The following CAMTA1 variants were observed in gnomAD, a reference collection of about 807,000 sequenced individuals.
The protein encoded by CAMTA1 is calmodulin binding transcription activator 1, also known as calmodulin-binding transcription activator 1.
Under a neutral mutation model 170.9 loss-of-function variants are expected in CAMTA1, and 27 were observed. The ratio of observed to expected loss-of-function variants is 0.16; its 90% CI spans 0.12 to 0.22. The LOEUF is 0.22. CAMTA1 is among the 10% of genes least tolerant of loss of function. The pLI is 1.00. For missense variants in CAMTA1, 1,619 were observed against 2,217.2 expected (o/e 0.73, Z 5.42); for synonymous variants, 833 against 891.5 (o/e 0.93, Z 1.17).
At chr1:7,392,992 G>T (rs538538137) in intron 5 of CAMTA1, among the ~76,000 whole-genome samples, 1 of 151,582 alleles carries the variant, frequency 6.6e-6, no homozygotes, top group African/African-American at 2.4e-5. Context: ...GTTCGAGGCT[G>T]CAGTGAGCTA....
chr1:7,461,321 G>A (rs1044704231), intron 5 of CAMTA1, among the ~76,000 whole-genome samples: 1 of 152,166 alleles, frequency 6.6e-6, no homozygotes, highest in Non-Finnish European at 1.5e-5. Flanking sequence ...CAAGCTCCCA[G>A]TGTCTTTGCC....
intron 3 of CAMTA1, among the ~76,000 whole-genome samples, chr1:7,019,535 C>A (rs545791654): frequency 2.6e-5 from 4 of 152,110 alleles, no homozygotes; most frequent in Non-Finnish European, 5.9e-5. Flanking sequence ...TTAGCAGAAC[C>A]CAGGATTGGG....
chr1:6,984,124 G>A (rs1207282078), intron 3 of CAMTA1, among the ~76,000 whole-genome samples: 1 of 108,530 alleles, frequency 9.2e-6, no homozygotes, highest in Non-Finnish European at 2.0e-5. Context: ...GTAGATGAGT[G>A]GATAGAAGGT....
Position 7,732,653 on chromosome 1 carries a change from G to A in CAMTA1, c.3066+54G>A. The A allele has an allele frequency of 6.6e-7, 1 of 1,507,770 alleles. No homozygotes were observed. The highest frequency in any genetic ancestry group is 8.9e-7 in the Non-Finnish European group (1 of 1,124,570). The allele number at this position is 1,507,770 out of a possible 1,614,324, so 93.4% of individuals were successfully genotyped here. On this transcript the variant is annotated intron_variant, in intron 12 of 22. Transcript: ENST00000303635. The surrounding 1 kb of genome is among the most constrained non-coding windows in gnomAD (Gnocchi z 4.1). ...CATTTCGCTTCATGTTTATGGATTGGCGAGGCAGTGGATGGATCACAGGCC... is the reference window on the plus strand; with the variant it reads ...CATTTCGCTTCATGTTTATGGATTGACGAGGCAGTGGATGGATCACAGGCC...
At chr1:7,111,941 A>C (rs1203855123) in intron 4 of CAMTA1, among the ~76,000 whole-genome samples, 1 of 151,370 alleles carries the variant, frequency 6.6e-6, no homozygotes, top group Non-Finnish European at 1.5e-5. Flanking sequence ...GGGCTGCTGT[A>C]AGATGAACTG....
chr1:6,909,323 T>A (rs896248155), intron 3 of CAMTA1, among the ~76,000 whole-genome samples: 2 of 152,260 alleles, frequency 1.3e-5, no homozygotes, highest in African/African-American at 4.8e-5. Context: ...TTCCGAATAC[T>A]TGTGAATTTC....
intron 6 of CAMTA1, among the ~76,000 whole-genome samples, chr1:7,558,672 C>A (rs574414412): frequency 3.4e-4 from 52 of 152,366 alleles, no homozygotes; most frequent in African/African-American, 1.2e-3. Flanking sequence ...ACGGAACTCA[C>A]CCGCTCTGCG....
chr1:7,430,628 A>G (rs530329222), intron 5 of CAMTA1, among the ~76,000 whole-genome samples: 77 of 152,268 alleles, frequency 5.1e-4, no homozygotes, highest in African/African-American at 1.9e-3. Flanking sequence ...TTGAGGCTCC[A>G]TGAGGATCCA....
At chr1:7,520,384 C>T (rs1050223428) in intron 6 of CAMTA1, among the ~76,000 whole-genome samples, 14 of 147,678 alleles carry the variant, frequency 9.5e-5, no homozygotes, top group Admixed American at 6.1e-4. Context: ...TGTGGACAGG[C>T]GCTGGGTTAC....
Position 6,839,380 on chromosome 1 carries a change from AAAAAAAC to A in CAMTA1, c.234+14192_234+14198del, listed in dbSNP as rs376230671. Reference sequence around the variant, plus strand: ...CTGGGCGACAGAGCGAGACTCTCTTAAAAAAACAAAAAACAAAAAACAAAAAACCCCC... The same window carrying A: ...CTGGGCGACAGAGCGAGACTCTCTTAAAAAAACAAAAAACAAAAAACCCCC... On this transcript the variant is annotated intron_variant, in intron 3 of 22. Transcript: ENST00000303635. Among the ~76,000 whole-genome samples the A allele has an allele frequency of 7.1e-3, 1,077 of 152,038 alleles. 10 individuals carry two copies. The highest frequency in any genetic ancestry group is 0.024 in the African/African-American group (977 of 41,472).
In CAMTA1 at chr1:7,133,782, A is replaced by T. The variant is rs1488211235; in HGVS notation, c.302+42411A>T. 2.6e-5 allele frequency among the ~76,000 whole-genome samples: 4 copies of T among 152,306 alleles called. No homozygotes were observed. The East Asian group carries it at 7.7e-4, about 29-fold the overall frequency. On this transcript the variant is annotated intron_variant, in intron 4 of 22. Transcript: ENST00000303635. Reference sequence around the variant, plus strand: ...GTCCTTTCCTGAGGTTACTACTCCCATGTGGCCCTCTCAAATGGTGGATGT... The same window carrying T: ...GTCCTTTCCTGAGGTTACTACTCCCTTGTGGCCCTCTCAAATGGTGGATGT...
At chr1:7,484,098 C>T (rs918304760) in intron 6 of CAMTA1, among the ~76,000 whole-genome samples, 1 of 152,210 alleles carries the variant, frequency 6.6e-6, no homozygotes, top group Admixed American at 6.5e-5. Context: ...AAGCAAGAGA[C>T]ATAAAACACA....
intron 2 of CAMTA1, among the ~76,000 whole-genome samples, chr1:6,821,621 A>G (rs1646496493): frequency 6.6e-6 from 1 of 152,154 alleles, no homozygotes; most frequent in African/African-American, 2.4e-5. Context: ...AATGAATAAC[A>G]GTGTTCATCA....
chr1:7,355,667 C>G (rs977411084), intron 5 of CAMTA1, among the ~76,000 whole-genome samples: 1 of 152,234 alleles, frequency 6.6e-6, no homozygotes, highest in Non-Finnish European at 1.5e-5. Flanking sequence ...CTTAATACCT[C>G]CTGTCTTCAG....
At position 7,585,445 on chromosome 1, in the gene CAMTA1, G is replaced by T. The variant is rs1009627019; in HGVS notation, c.511-54955G>T. Among the ~76,000 whole-genome samples, 4 of 152,140 alleles carry T rather than the reference G, an allele frequency of 2.6e-5. No individual in the cohort carries two copies. Among genetic ancestry groups the T allele is most frequent in the African/African-American group, 9.7e-5 (4 of 41,416 alleles). ...GGGTGGACATAAGCTTGAAGTCTCT[G>T]AAAAACAGCCAGGAGCCCAGCCTAC... is the stretch of plus-strand genomic sequence containing the variant. On this transcript the variant is annotated intron_variant, in intron 6 of 22. Coordinates refer to ENST00000303635, the MANE Select transcript of CAMTA1 (RefSeq NM_015215.4). The surrounding 1 kb of genome is among the most constrained non-coding windows in gnomAD (Gnocchi z 4.8).
rs1687143761 is a variant in CAMTA1, at chr1:6,943,872, A to AAG, written c.234+118663_234+118664insGA. Among the ~76,000 whole-genome samples, 2 of 140,530 alleles carry AAG rather than the reference A, an allele frequency of 1.4e-5. 1 individual carries two copies. The allele number at this position is 140,530 out of a possible 152,430, so 92.2% of individuals were successfully genotyped here. A position where few individuals can be genotyped will look rare whatever the true frequency, so the allele number is the denominator to read the frequency against. ...AAAAAAAAAAAAAAAAAAAAAAGAAAAAAATACACATAACATAGAATTTTA... is the reference window on the plus strand; with the variant it reads ...AAAAAAAAAAAAAAAAAAAAAAGAAAAGAAAATACACATAACATAGAATTTTA... On this transcript the variant is annotated intron_variant, in intron 3 of 22. Transcript: ENST00000303635.
intron 3 of CAMTA1, among the ~76,000 whole-genome samples, chr1:7,021,257 C>T (rs564845995): frequency 2.9e-4 from 44 of 152,180 alleles, no homozygotes; most frequent in Non-Finnish European, 7.3e-5. Flanking sequence ...AAAAATGGGG[C>T]GGTGCGATGG....
In CAMTA1 at chr1:7,642,402, G is replaced by T. The variant is rs550596529; in HGVS notation, c.664+1849G>T. On this transcript the variant is annotated intron_variant, in intron 7 of 22. Coordinates refer to ENST00000303635, the MANE Select transcript of CAMTA1 (RefSeq NM_015215.4). The surrounding 1 kb of genome is among the most constrained non-coding windows in gnomAD (Gnocchi z 6.3). ...CTGCAGTGTCCTGGCTCTGGGAGCCGGGGCTGCTGAGTGGCACTTTCCCAA... is the reference window on the plus strand; with the variant it reads ...CTGCAGTGTCCTGGCTCTGGGAGCCTGGGCTGCTGAGTGGCACTTTCCCAA... Among the ~76,000 whole-genome samples the T allele has an allele frequency of 6.6e-6, 1 of 152,138 alleles. No homozygotes were observed. The highest frequency in any genetic ancestry group is 1.9e-4 in the East Asian group (1 of 5,180).
At chr1:7,232,364 T>C (rs1662999770) in intron 4 of CAMTA1, among the ~76,000 whole-genome samples, 2 of 152,224 alleles carry the variant, frequency 1.3e-5, no homozygotes, top group South Asian at 4.1e-4. Flanking sequence ...TTCATCCCAG[T>C]TGTCCTGTTT....
Sources: gnomAD v4.1 joint callset for allele counts (sites outside exome capture counted in the v4.1 genomes callset) on GRCh38, gnomAD v4.1.1 for gene constraint, Gnocchi (gnomAD v3.1) non-coding constraint, MANE v1.5 for transcripts, NCBI Gene and HGNC (gene_info 2026-07-23, HGNC 2026-07-21) for gene names.